The following ERC1 variants were observed in gnomAD, a reference collection of about 807,000 sequenced individuals.
ERC1 encodes ELKS/RAB6-interacting/CAST family member 1, also known as RAB6 interacting protein 2.
Under a neutral mutation model 132.0 loss-of-function variants are expected in ERC1, and 56 were observed. That is an observed-to-expected ratio of 0.42 (90% CI 0.34 to 0.53). The LOEUF is 0.53. ERC1 is among the 20% of genes least tolerant of loss of function. The pLI, the probability that ERC1 is intolerant of heterozygous loss-of-function variation, is 0.03. For synonymous variants in ERC1, 478 were observed against 476.1 expected (o/e 1.00, Z -0.05); for missense variants, 1,202 against 1,349.9 (o/e 0.89, Z 1.72).
chr12:1,373,778 CAAAAG>C (rs2087534492), intron 16 of ERC1, among the ~76,000 whole-genome samples: 1 of 146,754 alleles, frequency 6.8e-6, no homozygotes, highest in South Asian at 2.2e-4. Flanking sequence ...GAGTCCGTCT[CAAAAG>C]AAAAAGAAGA....
intron 7 of ERC1, among the ~76,000 whole-genome samples, chr12:1,120,279 C>G (rs1307129384): frequency 6.6e-6 from 1 of 152,152 alleles, no homozygotes; most frequent in Non-Finnish European, 1.5e-5. Context: ...AGGCAGGAGC[C>G]ACTGTGTCCA....
rs1566629735 is a variant in ERC1, at chr12:1,341,064, T to TTTTTC, written c.2781-30764_2781-30760dup. ...CCTTGAATGTCCACTTATTCTTTTC[T>TTTTTC]TTTTCTTTTTTTTTTTTTTTTTTTT... On this transcript the variant is annotated intron_variant, in intron 15 of 18. Transcript: ENST00000360905. Among the ~76,000 whole-genome samples the TTTTTC allele has an allele frequency of 4.3e-5, 4 of 93,982 alleles. No homozygotes were observed. The East Asian group carries it at 7.9e-4, about 19-fold the overall frequency. 61.7% of individuals were successfully genotyped at this position (93,982 alleles called of 152,430 possible). A position where few individuals can be genotyped will look rare whatever the true frequency, so the allele number is the denominator to read the frequency against.
chr12:1,061,814 T>G (rs1341697932), intron 2 of ERC1, among the ~76,000 whole-genome samples: 2 of 152,056 alleles, frequency 1.3e-5, no homozygotes, highest in Non-Finnish European at 2.9e-5. Flanking sequence ...ACACTAATTT[T>G]GAGTTTGGTT....
chr12:1,291,802 G>A (rs758119594), intron 15 of ERC1, among the ~76,000 whole-genome samples: 3 of 152,178 alleles, frequency 2.0e-5, no homozygotes, highest in Admixed American at 1.3e-4. Flanking sequence ...TTGGGGAGAC[G>A]TAAAACGGTT....
intron 17 of ERC1, among the ~76,000 whole-genome samples, chr12:1,428,872 T>C (rs1286132308): frequency 6.6e-6 from 1 of 152,226 alleles, no homozygotes; most frequent in Non-Finnish European, 1.5e-5. Context: ...GATCCTAGGA[T>C]GATGAGGCTA....
intron 14 of ERC1, among the ~76,000 whole-genome samples, chr12:1,264,221 T>TA (rs1397999274): frequency 6.6e-6 from 1 of 152,192 alleles, no homozygotes; most frequent in Non-Finnish European, 1.5e-5. Flanking sequence ...TTGTTTTACA[T>TA]ATATCCTGCA....
At chr12:1,216,491 G>A (rs1958419280) in intron 12 of ERC1, among the ~76,000 whole-genome samples, 1 of 151,932 alleles carries the variant, frequency 6.6e-6, no homozygotes, top group South Asian at 2.1e-4. Flanking sequence ...ACCAGGTGGA[G>A]AAATACGGAT....
intron 13 of ERC1, among the ~76,000 whole-genome samples, chr12:1,259,713 C>T (rs2077031490): frequency 6.6e-6 from 1 of 151,784 alleles, no homozygotes; most frequent in African/African-American, 2.4e-5. Context: ...TCAGTAGAGA[C>T]GGGGTTTCAC....
intron 15 of ERC1, among the ~76,000 whole-genome samples, chr12:1,317,321 G>A (rs1012111996): frequency 2.3e-4 from 35 of 152,014 alleles, no homozygotes; most frequent in African/African-American, 6.5e-4. Flanking sequence ...ACCAAACACC[G>A]CATGTTCTCA....
intron 16 of ERC1, among the ~76,000 whole-genome samples, chr12:1,373,200 G>A (rs1208103740): frequency 2.6e-5 from 4 of 152,152 alleles, no homozygotes; most frequent in South Asian, 4.1e-4. Context: ...AAAGACATCC[G>A]TCCAGTAGTT....
intron 2 of ERC1, among the ~76,000 whole-genome samples, chr12:1,043,309 C>CA (rs1227276769): frequency 1.3e-5 from 2 of 152,126 alleles, no homozygotes; most frequent in East Asian, 3.8e-4. Flanking sequence ...TCCCAAAGTG[C>CA]TGAGATTACA....
At chr12:1,457,156 G>A (rs894978956) in intron 18 of ERC1, among the ~76,000 whole-genome samples, 4 of 152,174 alleles carry the variant, frequency 2.6e-5, no homozygotes, top group Non-Finnish European at 1.5e-5. Context: ...AGGAGCAATA[G>A]GCTGTACCAG....
rs150473814 is a variant in ERC1, at chr12:1,140,485, C to T, written c.1570-1135C>T. ...TCCATTGAGCATTTCCTTTAAGTGT[C>T]GTGTCAGTGCTCAAAAAGTTCTGGA... On this transcript the variant is annotated intron_variant, in intron 7 of 18. Coordinates refer to ENST00000360905, the MANE Select transcript of ERC1 (RefSeq NM_178040.4). Among the ~76,000 whole-genome samples, 654 of 152,252 alleles carry T rather than the reference C, an allele frequency of 4.3e-3. 6 individuals are homozygous for T. Among genetic ancestry groups the T allele is most frequent in the African/African-American group, 0.014 (579 of 41,536 alleles).
In ERC1 at chr12:1,267,007, C is replaced by T. The variant is rs568568248; in HGVS notation, c.2619+3842C>T. 2.0e-5 allele frequency among the ~76,000 whole-genome samples: 3 copies of T among 152,330 alleles called. No homozygotes were observed. In the South Asian group the frequency reaches 6.2e-4, roughly 32 times the overall value. ...GATGTAGAACCTTCCAAAGTTCGAG[C>T]AAGGAAGAACTCCCATAAGAAAACA... On this transcript the variant is annotated intron_variant, in intron 14 of 18. Transcript: ENST00000360905.
At chr12:1,241,230 G>A (rs539164304) in intron 13 of ERC1, among the ~76,000 whole-genome samples, 30 of 152,126 alleles carry the variant, frequency 2.0e-4, no homozygotes, top group African/African-American at 4.1e-4. Flanking sequence ...ATATAATGGC[G>A]TCTTCAAGTT....
chr12:1,109,767 G>A (rs2154201708), intron 4 of ERC1, among the ~76,000 whole-genome samples: 1 of 152,320 alleles, frequency 6.6e-6, no homozygotes, highest in Admixed American at 6.5e-5. Context: ...GAAGGCACTG[G>A]CTGGGCATGG....
chr12:999,104 T>G lies in ERC1; in HGVS notation c.-157+7782T>G, dbSNP rs144072535. Among the ~76,000 whole-genome samples the G allele has an allele frequency of 6.3e-3, 965 of 152,166 alleles. 13 individuals carry two copies. The highest frequency in any genetic ancestry group is 0.021 in the African/African-American group (888 of 41,546). ...CGAACTCCTGGCCTCAGGTGATCTG[T>G]CTGCCTTGGCCTCCCAAAGTGTTGG... On this transcript the variant is annotated intron_variant, in intron 1 of 18. Coordinates refer to ENST00000360905, the MANE Select transcript of ERC1 (RefSeq NM_178040.4).
chr12:1,150,388 A>G (rs1323217559), intron 8 of ERC1, among the ~76,000 whole-genome samples: 1 of 152,246 alleles, frequency 6.6e-6, no homozygotes, highest in Non-Finnish European at 1.5e-5. Flanking sequence ...GGAAAGGATG[A>G]ATTCAAAGTT....
intron 15 of ERC1, among the ~76,000 whole-genome samples, chr12:1,314,269 T>A (rs964217048): frequency 6.6e-6 from 1 of 152,108 alleles, no homozygotes; most frequent in South Asian, 2.1e-4. Context: ...GCAAAGAATA[T>A]AATCAAGCAA....
Sources: gnomAD v4.1 joint callset for allele counts (sites outside exome capture counted in the v4.1 genomes callset) on GRCh38, gnomAD v4.1.1 for gene constraint, MANE v1.5 for transcripts, NCBI Gene and HGNC (gene_info 2026-07-23, HGNC 2026-07-21) for gene names.